WDR72: variants seen among roughly 807,000 people sequenced by gnomAD.
The protein encoded by WDR72 is WD repeat-containing protein 72.
In WDR72, 120 loss-of-function variants were observed where a neutral mutation model predicts 124.2. The ratio of observed to expected loss-of-function variants is 0.97; its 90% confidence interval spans 0.83 to 1.12. The LOEUF (loss-of-function observed/expected upper bound fraction) is 1.12, where lower values mean the gene tolerates loss of function less well. Among genes scored for constraint, WDR72 ranks in the 50% most tolerant of loss-of-function variants. WDR72 has a pLI of 0.00. For missense variants in WDR72, 1,387 were observed against 1,278.8 expected (o/e 1.08, Z -1.29); for synonymous variants, 452 against 441.7 (o/e 1.02, Z -0.29).
chr15:53,693,581 A>G (rs148241116), intron 13 of WDR72, among the ~76,000 whole-genome samples: 2,145 of 152,300 alleles, frequency 0.014, 22 homozygotes, highest in Non-Finnish European at 0.023. Flanking sequence ...TAGTTATTTC[A>G]AAGCCTATGC....
chr15:53,654,253 G>GT lies in WDR72; in HGVS notation c.1962+11318dup, dbSNP rs2015339228. Among the ~76,000 whole-genome samples, 5 of 152,128 alleles carry GT rather than the reference G, an allele frequency of 3.3e-5. No homozygotes were observed. The South Asian group carries it at 8.3e-4, about 25-fold the overall frequency. ...CTGCAAAAGATTTAAGAGATATGAT[G>GT]TATCATTCATACATAACGAGACTTT... On this transcript the variant is annotated intron_variant, in intron 14 of 19. Coordinates refer to ENST00000360509, the MANE Select transcript of WDR72 (RefSeq NM_182758.4).
At chr15:53,674,197 T>C (rs1285455731) in intron 13 of WDR72, among the ~76,000 whole-genome samples, 1 of 152,142 alleles carries the variant, frequency 6.6e-6, no homozygotes, top group Non-Finnish European at 1.5e-5. Context: ...GGACAATATT[T>C]CAAAGTGACT....
rs142505794 is a variant in WDR72, at chr15:53,705,218, G to A, written c.1118C>T (p.Ala373Val). The change falls in exon 11 of 20, where the codon GCC becomes GTC. Residue 373 changes from alanine to valine, a missense_variant. Transcript: ENST00000360509. The stretch of plus-strand genomic sequence containing the variant: ...AAAATTATCTTGAAGAGTCCAGGTG[G>A]CAGTTACTGGTATCTCTAAAAAGAA... ...DGSPREIPVTATWTLQDNFDK... is the reference protein window; with the variant it reads ...DGSPREIPVTVTWTLQDNFDK... 5 of 1,613,214 alleles carry A rather than the reference G, an allele frequency of 3.1e-6. No homozygotes were observed. Among genetic ancestry groups the A allele is most frequent in the East Asian group, 4.5e-5 (2 of 44,866 alleles).
chr15:53,617,852 A>T (rs1477301409), intron 14 of WDR72, among the ~76,000 whole-genome samples: 1 of 151,914 alleles, frequency 6.6e-6, no homozygotes, highest in Admixed American at 6.6e-5. Flanking sequence ...ACAAAACAAT[A>T]GGGTTTAAGG....
chr15:53,734,016 T>A lies in WDR72; in HGVS notation c.-12-855A>T, dbSNP rs998612172. Among the ~76,000 whole-genome samples the A allele has an allele frequency of 2.0e-5, 3 of 152,222 alleles. No individual in the cohort carries two copies. In the East Asian group the frequency reaches 5.8e-4, roughly 29 times the overall value. The stretch of plus-strand genomic sequence containing the variant: ...AAGGGGCCAAGCATACTTCCCACAT[T>A]GCTTTGAGAAAGTCAAGAAAATGAA... On this transcript the variant is annotated intron_variant, in intron 1 of 19. Coordinates refer to ENST00000360509, the MANE Select transcript of WDR72 (RefSeq NM_182758.4).
intron 18 of WDR72, among the ~76,000 whole-genome samples, chr15:53,561,743 C>A (rs1196360445): frequency 6.6e-6 from 1 of 151,814 alleles, no homozygotes; most frequent in Non-Finnish European, 1.5e-5. Flanking sequence ...ATTTTAGGTT[C>A]ACCTGAGGAC....
At chr15:53,711,604 C>G (rs1476233177) in intron 7 of WDR72, 123 bp from the exon 8 acceptor site, 4 of 1,016,908 alleles carry the variant, frequency 3.9e-6, no homozygotes, top group Non-Finnish European at 5.9e-6. Context: ...CCATACTGTA[C>G]TCTCATATTA....
intron 18 of WDR72, among the ~76,000 whole-genome samples, chr15:53,560,138 A>G (rs1019902987): frequency 1.3e-5 from 2 of 151,910 alleles, no homozygotes; most frequent in Admixed American, 1.3e-4. Context: ...GAGGTCCTTG[A>G]TTGATATAGC....
chr15:53,615,809 C>G lies in WDR72; in HGVS notation c.2397G>C (p.Leu799=), dbSNP rs1357511676. 2.2e-5 allele frequency: 36 copies of G among 1,613,488 alleles called. No individual in the cohort carries two copies. Among genetic ancestry groups the G allele is most frequent in the Non-Finnish European group, 2.8e-5 (33 of 1,179,678 alleles). The change falls in exon 15 of 20, where the codon CTG becomes CTC. Residue 799 remains leucine (L), a synonymous_variant. Coordinates refer to ENST00000360509, the MANE Select transcript of WDR72 (RefSeq NM_182758.4). ...CCACTCCCCATGGCAAAAGGCAAGA[C>G]AGAAACAATTTTGCTGTGTCTATTG... is the stretch of plus-strand genomic sequence containing the variant. The part of the protein sequence containing the change: ...SLTIDTAKLF[L]SCLLPWGVDK...
In WDR72 at chr15:53,711,482, C is replaced by G; in HGVS notation, c.712-1G>C. ...GGGAAAAATCACAATAATCATAAACCTAAAATATGAAGTTGATGCACATTA... is the reference window on the plus strand; with the variant it reads ...GGGAAAAATCACAATAATCATAAACGTAAAATATGAAGTTGATGCACATTA... On this transcript the variant is annotated splice_acceptor_variant, in intron 7 of 19. Transcript: ENST00000360509. LOFTEE classifies it high-confidence loss of function. 1 of 1,613,774 alleles carries G rather than the reference C, an allele frequency of 6.2e-7. No homozygotes were observed. The highest frequency in any genetic ancestry group is 1.7e-5 in the Admixed American group (1 of 59,978).
At chr15:53,736,998 A>AACACACACACAC (rs67659814) in intron 1 of WDR72, among the ~76,000 whole-genome samples, 130 of 141,228 alleles carry the variant, frequency 9.2e-4, no homozygotes, top group East Asian at 7.5e-3. Context: ...GTAGATGTAA[A>AACACACACACAC]ACACACACAC....
At chr15:53,666,355 G>A (rs2015779475) in intron 13 of WDR72, among the ~76,000 whole-genome samples, 1 of 151,942 alleles carries the variant, frequency 6.6e-6, no homozygotes, top group Non-Finnish European at 1.5e-5. Flanking sequence ...AAAATCCTTT[G>A]CCTCTGTCAT....
At chr15:53,568,579 C>A (rs1385201212) in intron 18 of WDR72, among the ~76,000 whole-genome samples, 1 of 152,008 alleles carries the variant, frequency 6.6e-6, no homozygotes, top group Non-Finnish European at 1.5e-5. Flanking sequence ...ACTTGCTCCC[C>A]ATTGTCACTA....
chr15:53,663,251 A>G (rs1381583412), intron 14 of WDR72, among the ~76,000 whole-genome samples: 1 of 152,144 alleles, frequency 6.6e-6, no homozygotes, highest in South Asian at 2.1e-4. Flanking sequence ...TGTTCTAATT[A>G]GCACTAAATT....
chr15:53,690,039 G>C (rs1595852825), intron 13 of WDR72, among the ~76,000 whole-genome samples: 1 of 142,184 alleles, frequency 7.0e-6, no homozygotes, highest in Admixed American at 7.4e-5. Flanking sequence ...ACACAGGAAG[G>C]GGAGCATCAC....
intron 17 of WDR72, among the ~76,000 whole-genome samples, chr15:53,608,662 G>A (rs1188777554): frequency 6.6e-6 from 1 of 151,878 alleles, no homozygotes; most frequent in Non-Finnish European, 1.5e-5. Flanking sequence ...AGGCTGAGGT[G>A]GGAGGATCAC....
chr15:53,558,889 T>C (rs1173308663), intron 18 of WDR72, among the ~76,000 whole-genome samples: 4 of 151,998 alleles, frequency 2.6e-5, no homozygotes, highest in Non-Finnish European at 2.9e-5. Context: ...AGTCTCTTAA[T>C]GAAACTTAAC....
chr15:53,679,371 A>T (rs1448897401), intron 13 of WDR72, among the ~76,000 whole-genome samples: 1 of 152,216 alleles, frequency 6.6e-6, no homozygotes, highest in African/African-American at 2.4e-5. Flanking sequence ...CATCATAATA[A>T]AAAAGCATCT....
At position 53,655,849 on chromosome 15, in the gene WDR72, C is replaced by T. The variant is rs141258392; in HGVS notation, c.1962+9723G>A. On this transcript the variant is annotated intron_variant, in intron 14 of 19. Transcript: ENST00000360509. Reference sequence around the variant, plus strand: ...CTGGGATTACAGGCATATGCCACCACGCCTGACTAATTTTTGTATTTTTAG... The same window carrying T: ...CTGGGATTACAGGCATATGCCACCATGCCTGACTAATTTTTGTATTTTTAG... 2.2e-3 allele frequency among the ~76,000 whole-genome samples: 332 copies of T among 152,232 alleles called. 2 individuals carry two copies. Among genetic ancestry groups the T allele is most frequent in the African/African-American group, 7.7e-3 (318 of 41,540 alleles).
Sources: allele counts gnomAD v4.1 joint callset (sites outside exome capture counted in the v4.1 genomes callset), GRCh38; gene constraint gnomAD v4.1.1; transcripts MANE v1.5; gene names NCBI Gene and HGNC (gene_info 2026-07-23, HGNC 2026-07-21).